Variants in COX7B2 observed in about 807,000 individuals in gnomAD.
The protein encoded by COX7B2 is cytochrome c oxidase subunit 7B2.
For missense variants in COX7B2, 109 were observed against 95.9 expected (o/e 1.14, Z -0.57); for synonymous variants, 37 against 32.1 (o/e 1.15, Z -0.51).
At chr4:46,808,267 T>TC (rs1052742047) in intron 2 of COX7B2, among the ~76,000 whole-genome samples, 9 of 151,940 alleles carry the variant, frequency 5.9e-5, no homozygotes, top group African/African-American at 2.2e-4. Flanking sequence ...TCTTGTATAT[T>TC]TTTTTCTTGA....
At chr4:46,826,021 TAAC>T (rs2109709996) in intron 2 of COX7B2, among the ~76,000 whole-genome samples, 1 of 152,208 alleles carries the variant, frequency 6.6e-6, no homozygotes, top group East Asian at 1.9e-4. Flanking sequence ...AAGCAAAAAC[TAAC>T]AAGTGGGATC....
At chr4:46,741,661 G>T (rs1235257911) in intron 2 of COX7B2, among the ~76,000 whole-genome samples, 2 of 151,962 alleles carry the variant, frequency 1.3e-5, no homozygotes, top group African/African-American at 4.8e-5. Flanking sequence ...ATTTTAAATG[G>T]TTTATGATAC....
At chr4:46,772,265 G>T (rs1288408643) in intron 2 of COX7B2, among the ~76,000 whole-genome samples, 1 of 152,096 alleles carries the variant, frequency 6.6e-6, no homozygotes, top group Non-Finnish European at 1.5e-5. Context: ...TAGAAACAGA[G>T]AATAATGGTG....
intron 2 of COX7B2, among the ~76,000 whole-genome samples, chr4:46,784,963 T>C (rs2109564779): frequency 6.6e-6 from 1 of 152,346 alleles, no homozygotes; most frequent in Non-Finnish European, 1.5e-5. Flanking sequence ...AAGTGTTTAC[T>C]AAGGGAAATA....
chr4:46,895,430 C>G (rs962865149), intron 1 of COX7B2, among the ~76,000 whole-genome samples: 4 of 151,928 alleles, frequency 2.6e-5, no homozygotes, highest in Non-Finnish European at 5.9e-5. Context: ...TAAGTGGGAG[C>G]TAAATGATGA....
rs72493575 is a variant in COX7B2 at position 46,759,785 on chromosome 4, T to A, written c.-49-24544A>T. ...TATATAAGTTATATGTCTTATCTTA[T>A]ATAAGTTATATAAGTCATATCTTAT... On this transcript the variant is annotated intron_variant, in intron 2 of 2. Transcript: ENST00000355591. Among the ~76,000 whole-genome samples, 37 of 138,740 alleles carry A rather than the reference T, an allele frequency of 2.7e-4. No homozygotes were observed. The East Asian group carries it at 7.9e-3, about 30-fold the overall frequency. The allele number at this position is 138,740 out of a possible 152,430, so 91.0% of individuals were successfully genotyped here.
At chr4:46,771,024 G>T (rs1432215267) in intron 2 of COX7B2, among the ~76,000 whole-genome samples, 2 of 152,046 alleles carry the variant, frequency 1.3e-5, no homozygotes, top group Middle Eastern at 6.3e-3. Context: ...TGTATAAACA[G>T]ACAATTTAAG....
chr4:46,763,595 A>T (rs139626287), intron 2 of COX7B2, among the ~76,000 whole-genome samples: 2 of 152,122 alleles, frequency 1.3e-5, no homozygotes, highest in Admixed American at 1.3e-4. Context: ...ACGCTTATTT[A>T]TAACTATCTC....
At chr4:46,866,294 T>TA (rs775878178) in intron 1 of COX7B2, among the ~76,000 whole-genome samples, 8 of 152,152 alleles carry the variant, frequency 5.3e-5, no homozygotes, top group South Asian at 2.1e-4. Flanking sequence ...TAGATCCACC[T>TA]TGGCAGCAGA....
At chr4:46,748,664 C>G (rs1715168034) in intron 2 of COX7B2, among the ~76,000 whole-genome samples, 1 of 152,216 alleles carries the variant, frequency 6.6e-6, no homozygotes. Flanking sequence ...TGACTTTTCA[C>G]TGCAATAATA....
At chr4:46,832,118 G>T (rs895895063) in intron 2 of COX7B2, among the ~76,000 whole-genome samples, 2 of 152,110 alleles carry the variant, frequency 1.3e-5, no homozygotes, top group African/African-American at 2.4e-5. Flanking sequence ...CAACCTGCTC[G>T]GGTCCCCTTC....
At chr4:46,849,956 T>A (rs927228332) in intron 1 of COX7B2, among the ~76,000 whole-genome samples, 5 of 152,086 alleles carry the variant, frequency 3.3e-5, no homozygotes, top group African/African-American at 9.7e-5. Flanking sequence ...ACAGCTATCA[T>A]AAAAAGAGAA....
chr4:46,748,097 G>T (rs1380280821), intron 2 of COX7B2, among the ~76,000 whole-genome samples: 3 of 152,090 alleles, frequency 2.0e-5, no homozygotes, highest in African/African-American at 7.2e-5. Flanking sequence ...GAACCAGAAA[G>T]AATAAATTTA....
intron 1 of COX7B2, among the ~76,000 whole-genome samples, chr4:46,858,584 T>A (rs1324809882): frequency 6.6e-6 from 1 of 152,130 alleles, no homozygotes; most frequent in Non-Finnish European, 1.5e-5. Flanking sequence ...CTGACCTAAT[T>A]ATTTGGTTTG....
At chr4:46,882,428 C>T (rs998210539) in intron 1 of COX7B2, among the ~76,000 whole-genome samples, 35 of 152,096 alleles carry the variant, frequency 2.3e-4, no homozygotes, top group African/African-American at 8.5e-4. Context: ...TGGGAATCTA[C>T]GTCTCTTTGT....
rs201322919 is a variant in COX7B2 at position 46,759,877 on chromosome 4, A to T, written c.-49-24636T>A. On this transcript the variant is annotated intron_variant, in intron 2 of 2. Coordinates refer to ENST00000355591, the MANE Select transcript of COX7B2 (RefSeq NM_130902.3). ...ATATCTTATATAAGTTATATAAGTCATATCTTATATAAGTTATATAAGTCT... is the reference window on the plus strand; with the variant it reads ...ATATCTTATATAAGTTATATAAGTCTTATCTTATATAAGTTATATAAGTCT... 4.8e-4 allele frequency among the ~76,000 whole-genome samples: 44 copies of T among 91,514 alleles called. No individual in the cohort carries two copies. The East Asian group carries it at 8.9e-3, about 19-fold the overall frequency. 60.0% of individuals were successfully genotyped at this position (91,514 alleles called of 152,430 possible).
intron 2 of COX7B2, among the ~76,000 whole-genome samples, chr4:46,843,215 A>G (rs1359190332): frequency 2.0e-5 from 3 of 151,980 alleles, no homozygotes. Flanking sequence ...TCCATTTATG[A>G]GGCTTCTTAG....
intron 1 of COX7B2, among the ~76,000 whole-genome samples, chr4:46,849,090 G>A (rs1716490027): frequency 6.6e-6 from 1 of 151,962 alleles, no homozygotes; most frequent in African/African-American, 2.4e-5. Context: ...TAAATCCATA[G>A]TTATTTGAAT....
chr4:46,851,760 T>G (rs1480553490), intron 1 of COX7B2, among the ~76,000 whole-genome samples: 3 of 152,122 alleles, frequency 2.0e-5, no homozygotes, highest in Admixed American at 1.3e-4. Context: ...CATTTATGTT[T>G]GTCTAATGAT....
Sources: gnomAD v4.1 joint callset for allele counts (sites outside exome capture counted in the v4.1 genomes callset) on GRCh38, gnomAD v4.1.1 for gene constraint, MANE v1.5 for transcripts, NCBI Gene and HGNC (gene_info 2026-07-23, HGNC 2026-07-21) for gene names.